Variants in KANSL1L observed in about 807,000 individuals in gnomAD.
KANSL1L encodes the protein KAT8 regulatory NSL complex subunit 1 like.
In KANSL1L, 25 loss-of-function variants were observed where a neutral mutation model predicts 108.6. The ratio of observed to expected loss-of-function variants is 0.23; its 90% CI spans 0.17 to 0.32. The LOEUF (loss-of-function observed/expected upper bound fraction) is 0.32, where lower values mean the gene tolerates loss of function less well. Among genes scored for constraint, KANSL1L ranks in the 10% least tolerant of loss-of-function variants. KANSL1L has a pLI of 1.00. For missense variants in KANSL1L, 1,137 were observed against 1,125.7 expected (o/e 1.01, Z -0.14); for synonymous variants, 405 against 395.1 (o/e 1.03, Z -0.30).
At chr2:210,067,567 G>A (rs906386368) in intron 6 of KANSL1L, among the ~76,000 whole-genome samples, 1 of 151,782 alleles carries the variant, frequency 6.6e-6, no homozygotes, top group Non-Finnish European at 1.5e-5. Context: ...GCCAGGCATG[G>A]GGGCATGTGC....
At chr2:210,067,716 C>CAAAAAAAAAAAAAAAAAAAAAAAAAA (rs569072484) in intron 6 of KANSL1L, among the ~76,000 whole-genome samples, 1 of 92,948 alleles carries the variant, frequency 1.1e-5, no homozygotes, top group African/African-American at 4.6e-5. Context: ...ACCCTGTCTC[C>CAAAAAAAAAAAAAAAAAAAAAAAAAA]AAAAAAAAAA....
At chr2:210,120,396 G>C (rs1383224309) in intron 3 of KANSL1L, among the ~76,000 whole-genome samples, 1 of 151,608 alleles carries the variant, frequency 6.6e-6, no homozygotes, top group Non-Finnish European at 1.5e-5. Flanking sequence ...CGTCTCCAAA[G>C]AAAAAAATAA....
At chr2:210,160,337 T>A (rs1019146738) in intron 1 of KANSL1L, among the ~76,000 whole-genome samples, 1 of 151,962 alleles carries the variant, frequency 6.6e-6, no homozygotes, top group African/African-American at 2.4e-5. Context: ...ACCTAGTTAG[T>A]GCTGTAGAGC....
At chr2:210,161,394 T>C (rs1343672406) in intron 1 of KANSL1L, among the ~76,000 whole-genome samples, 4 of 152,296 alleles carry the variant, frequency 2.6e-5, no homozygotes, top group Middle Eastern at 6.8e-3. Context: ...AAAATGAAAC[T>C]GAATACGTAT....
At chr2:210,040,387 A>C in intron 8 of KANSL1L, 33 bp downstream of exon 8, 1 of 961,962 alleles carries the variant, frequency 1.0e-6, no homozygotes, top group Admixed American at 1.8e-5. Flanking sequence ...ATAAAAAGGC[A>C]TATAGAGTAC....
chr2:210,059,298 G>T (rs746544584), intron 6 of KANSL1L, among the ~76,000 whole-genome samples: 10 of 152,220 alleles, frequency 6.6e-5, no homozygotes, highest in Non-Finnish European at 1.2e-4. Context: ...CCAACCAACA[G>T]CCAGCACCAC....
chr2:210,086,426 C>G (rs906915330), intron 5 of KANSL1L, among the ~76,000 whole-genome samples: 3 of 150,668 alleles, frequency 2.0e-5, no homozygotes, highest in Non-Finnish European at 4.4e-5. Context: ...TTTGAAGACT[C>G]AATCTTCTTA....
chr2:210,052,103 A>C (rs1427966750), intron 6 of KANSL1L, among the ~76,000 whole-genome samples: 1 of 150,848 alleles, frequency 6.6e-6, no homozygotes, highest in Non-Finnish European at 1.5e-5. Flanking sequence ...TGCCTGGCTC[A>C]AGCAATCCTC....
intron 2 of KANSL1L, chr2:210,152,759 T>G (rs1444233173): frequency 6.6e-6 from 1 of 152,168 alleles, no homozygotes; most frequent in African/African-American, 2.4e-5. Context: ...GTAAGTCAAC[T>G]TACATGTACT....
chr2:210,108,719 T>G (rs748607524), intron 3 of KANSL1L, among the ~76,000 whole-genome samples: 2 of 152,338 alleles, frequency 1.3e-5, no homozygotes, highest in South Asian at 4.1e-4. Context: ...TGAAGGCTCC[T>G]GTAAAGATAA....
intron 3 of KANSL1L, among the ~76,000 whole-genome samples, chr2:210,113,780 A>G (rs1194445833): frequency 1.3e-5 from 2 of 152,220 alleles, no homozygotes; most frequent in African/African-American, 4.8e-5. Context: ...TGAAAAGTAT[A>G]ATAACTGAAA....
At chr2:210,092,125 A>G (rs1163020693) in intron 5 of KANSL1L, among the ~76,000 whole-genome samples, 6 of 152,020 alleles carry the variant, frequency 3.9e-5, no homozygotes, top group East Asian at 1.9e-4. Context: ...CACATTTCCT[A>G]TATGTCCAGA....
At chr2:210,081,331 G>C (rs188005605) in intron 5 of KANSL1L, among the ~76,000 whole-genome samples, 57 of 151,908 alleles carry the variant, frequency 3.8e-4, no homozygotes, top group African/African-American at 1.3e-3. Context: ...TGTTATTTTT[G>C]CTTCCTAGAA....
intron 2 of KANSL1L, among the ~76,000 whole-genome samples, chr2:210,144,590 A>T (rs1344693241): frequency 6.6e-6 from 1 of 152,102 alleles, no homozygotes; most frequent in Non-Finnish European, 1.5e-5. Flanking sequence ...TTCTGCTCTG[A>T]TGCTCTCTAT....
chr2:210,055,336 G>A (rs2094338851), intron 6 of KANSL1L, among the ~76,000 whole-genome samples: 1 of 152,204 alleles, frequency 6.6e-6, no homozygotes, highest in Non-Finnish European at 1.5e-5. Context: ...TTACAGCAGT[G>A]TGAGAACGGA....
intron 3 of KANSL1L, among the ~76,000 whole-genome samples, chr2:210,118,580 C>T (rs2094981009): frequency 1.3e-5 from 2 of 151,902 alleles, no homozygotes; most frequent in South Asian, 4.2e-4. Flanking sequence ...AGCATGGTGG[C>T]TCGTACCTGT....
chr2:210,040,360 A>ATAGT, intron 8 of KANSL1L, 60 bp downstream of exon 8: 2 of 793,892 alleles, frequency 2.5e-6, no homozygotes, highest in Non-Finnish European at 4.3e-6. Flanking sequence ...GAATGCAAAA[A>ATAGT]TAGTAAGTAT....
intron 11 of KANSL1L, chr2:210,028,272 T>G (rs966098609): frequency 6.6e-6 from 1 of 152,320 alleles, no homozygotes; most frequent in Non-Finnish European, 1.5e-5. Context: ...TACACACTTG[T>G]CCTGTGCCTT....
At chr2:210,126,967 G>C (rs1399140966) in intron 3 of KANSL1L, among the ~76,000 whole-genome samples, 2 of 152,048 alleles carry the variant, frequency 1.3e-5, no homozygotes, top group African/African-American at 4.8e-5. Context: ...GCTGAGGTGA[G>C]AGGATGGCTT....
Sources: gnomAD v4.1 joint callset for allele counts (sites outside exome capture counted in the v4.1 genomes callset) on GRCh38, gnomAD v4.1.1 for gene constraint, MANE v1.5 for transcripts, NCBI Gene and HGNC (gene_info 2026-07-23, HGNC 2026-07-21) for gene names.